RIMBP2: variants seen among roughly 807,000 people sequenced by gnomAD.
The protein encoded by RIMBP2 is RIMS-binding protein 2.
A neutral mutation model predicts 118.6 loss-of-function variants in RIMBP2; 48 were observed. That is an observed-to-expected ratio of 0.40 (90% CI 0.32 to 0.51). The LOEUF (loss-of-function observed/expected upper bound fraction) is 0.51, where lower values mean the gene tolerates loss of function less well. Ranked by LOEUF, RIMBP2 falls within the 20% of genes least tolerant of loss-of-function variation. The pLI, the probability that RIMBP2 is intolerant of heterozygous loss-of-function variation, is 0.41. For synonymous variants in RIMBP2, 762 were observed against 742.9 expected (o/e 1.03, Z -0.42); for missense variants, 1,551 against 1,768.3 (o/e 0.88, Z 2.20).
intron 19 of RIMBP2, among the ~76,000 whole-genome samples, chr12:130,408,407 A>G (rs2075383614): frequency 6.6e-6 from 1 of 152,088 alleles, no homozygotes; most frequent in African/African-American, 2.4e-5. Context: ...GCATCCTTCC[A>G]TTGTGGTTTA....
intron 18 of RIMBP2, among the ~76,000 whole-genome samples, chr12:130,413,765 C>T (rs1016570543): frequency 6.6e-6 from 1 of 152,042 alleles, no homozygotes; most frequent in Non-Finnish European, 1.5e-5. Context: ...CCCTTTTTCC[C>T]TCCCTTTCCC....
intron 2 of RIMBP2, among the ~76,000 whole-genome samples, chr12:130,530,469 GC>G (rs751327533): frequency 1.3e-5 from 2 of 149,642 alleles, no homozygotes; most frequent in Middle Eastern, 3.2e-3. Flanking sequence ...CAATAAGGCA[GC>G]TAAGAATAAC....
chr12:130,583,274 G>A (rs982649846), intron 2 of RIMBP2, among the ~76,000 whole-genome samples: 6 of 152,142 alleles, frequency 3.9e-5, no homozygotes, highest in Non-Finnish European at 7.4e-5. Flanking sequence ...CACCTTCCTT[G>A]TGGGATTGTC....
At chr12:130,701,985 G>A (rs542237527) in intron 1 of RIMBP2, among the ~76,000 whole-genome samples, 3 of 152,152 alleles carry the variant, frequency 2.0e-5, no homozygotes, top group South Asian at 4.2e-4. Context: ...AACATAATGC[G>A]GCACGAAAGA....
chr12:130,422,524 T>C lies in RIMBP2; in HGVS notation c.3167A>G (p.His1056Arg). The change falls in exon 17 of 23, where the codon CAC (histidine) becomes CGC (arginine). Residue 1056 changes from histidine (H) to arginine (R), a missense_variant. This residue lies in a region of RIMBP2 where 1,038 missense variants were observed against 1,125.1 expected (regional missense o/e 0.92). Coordinates refer to ENST00000690449, the MANE Select transcript of RIMBP2 (RefSeq NM_001393629.1). The surrounding 1 kb of genome is among the most constrained non-coding windows in gnomAD (Gnocchi z 5.2). The stretch of plus-strand genomic sequence containing the variant: ...GCCACGGGGAAACCTCCGGCCCATG[T>C]GATCCACCCGTCCTGCAGAGGCTGG... ...GNPASAGRVD[H>R]MGRRFPRGSA... 1 of 1,612,540 alleles carries C rather than the reference T, an allele frequency of 6.2e-7. No individual in the cohort carries two copies.
Position 130,549,272 on chromosome 12 carries a change from T to C in RIMBP2, c.-216-31355A>G, listed in dbSNP as rs564741985. ...GGACTAAGCTGGCATCTGATGCCCA[T>C]CCCGGGGGAATGATACGACGACAGT... is the stretch of plus-strand genomic sequence containing the variant. On this transcript the variant is annotated intron_variant, in intron 2 of 22. Coordinates refer to ENST00000690449, the MANE Select transcript of RIMBP2 (RefSeq NM_001393629.1). Among the ~76,000 whole-genome samples the C allele has an allele frequency of 3.7e-3, 561 of 152,256 alleles. 2 individuals are homozygous for C. The highest frequency in any genetic ancestry group is 0.013 in the African/African-American group (531 of 41,546).
chr12:130,475,881 C>T lies in RIMBP2; in HGVS notation c.102+3031G>A, dbSNP rs566415637. 3.3e-5 allele frequency among the ~76,000 whole-genome samples: 5 copies of T among 152,034 alleles called. No individual in the cohort carries two copies. Among genetic ancestry groups the T allele is most frequent in the African/African-American group, 9.7e-5 (4 of 41,436 alleles). On this transcript the variant is annotated intron_variant, in intron 5 of 22. Transcript: ENST00000690449. This position sits in a 1 kb window ranked among gnomAD's most constrained non-coding sequence, Gnocchi z 4.1. ...GGACAGAGGGGAGTTCTGTGTGGGA[C>T]GTGGCGTCCGAGGCCCCCCAAGCAG...
intron 2 of RIMBP2, among the ~76,000 whole-genome samples, chr12:130,597,521 G>A (rs111943990): frequency 0.01 from 1,540 of 152,306 alleles, 7 homozygotes; most frequent in Non-Finnish European, 0.014. Context: ...GATTACAGGC[G>A]TGAGCCACCA....
At chr12:130,455,391 G>C (rs58284655) in intron 7 of RIMBP2, among the ~76,000 whole-genome samples, 1 of 152,188 alleles carries the variant, frequency 6.6e-6, no homozygotes, top group Non-Finnish European at 1.5e-5. Context: ...CGGGAGCTCC[G>C]CACGGTGCCC....
chr12:130,540,534 C>G (rs2054511422), intron 2 of RIMBP2, among the ~76,000 whole-genome samples: 1 of 152,156 alleles, frequency 6.6e-6, no homozygotes, highest in Admixed American at 6.5e-5. Context: ...TCCCAGATAG[C>G]ATCATGGAAC....
chr12:130,439,283 G>C (rs959229478), intron 11 of RIMBP2, among the ~76,000 whole-genome samples: 2 of 151,922 alleles, frequency 1.3e-5, no homozygotes, highest in Non-Finnish European at 2.9e-5. Context: ...TGTACATTGT[G>C]TGTGTATATG....
chr12:130,606,216 T>C (rs889113077), intron 2 of RIMBP2, among the ~76,000 whole-genome samples: 9 of 152,178 alleles, frequency 5.9e-5, no homozygotes, highest in African/African-American at 2.2e-4. Flanking sequence ...TGAGAGTCTA[T>C]ATGGTGGGAA....
intron 1 of RIMBP2, among the ~76,000 whole-genome samples, chr12:130,631,374 G>A (rs1039743162): frequency 1.2e-4 from 18 of 152,162 alleles, no homozygotes; most frequent in African/African-American, 4.1e-4. Flanking sequence ...GACTGGGGGA[G>A]GGAAACTAAG....
Position 130,424,054 on chromosome 12 carries a change from TG to T in RIMBP2, c.3129+87del. On this transcript the variant is annotated intron_variant, in intron 16 of 22. Transcript: ENST00000690449. The surrounding 1 kb of genome is among the most constrained non-coding windows in gnomAD (Gnocchi z 9.8). ...CAGCCAGCAAGAGAGTCCCCAGGGA[TG>T]GACACCAGAACAAACAGAAAACCAG... The T allele has an allele frequency of 1.5e-6, 1 of 683,632 alleles. No homozygotes were observed. Among genetic ancestry groups the T allele is most frequent in the Non-Finnish European group, 2.1e-6 (1 of 487,040 alleles). The allele number at this position is 683,632 out of a possible 1,614,324, so 42.3% of individuals were successfully genotyped here.
At chr12:130,633,236 G>A (rs1056192489) in intron 1 of RIMBP2, among the ~76,000 whole-genome samples, 3 of 152,150 alleles carry the variant, frequency 2.0e-5, no homozygotes, top group Non-Finnish European at 4.4e-5. Context: ...GTTCAACTTT[G>A]TCTCATCATT....
intron 2 of RIMBP2, among the ~76,000 whole-genome samples, chr12:130,540,956 A>C (rs1326727649): frequency 6.6e-6 from 1 of 152,142 alleles, no homozygotes; most frequent in Non-Finnish European, 1.5e-5. Flanking sequence ...TGAGAAGTGC[A>C]GTGGTGTTGA....
rs116333948 is a variant in RIMBP2, at chr12:130,628,731, G to A, written c.-351-275C>T. Among the ~76,000 whole-genome samples the A allele has an allele frequency of 5.4e-3, 820 of 152,252 alleles. 6 individuals are homozygous for A. The highest frequency in any genetic ancestry group is 0.019 in the African/African-American group (775 of 41,532). ...ACAGCCATTGACATGAAGCTTTTGT[G>A]ACTCCTTGAGTAGACCATCAAGTTC... On this transcript the variant is annotated intron_variant, in intron 1 of 22. Coordinates refer to ENST00000690449, the MANE Select transcript of RIMBP2 (RefSeq NM_001393629.1).
At chr12:130,549,959 C>G (rs2055575829) in intron 2 of RIMBP2, among the ~76,000 whole-genome samples, 1 of 152,174 alleles carries the variant, frequency 6.6e-6, no homozygotes, top group Admixed American at 6.5e-5. Flanking sequence ...TTAAACTAAT[C>G]TACACTCCCA....
chr12:130,456,607 C>T lies in RIMBP2; in HGVS notation c.247G>A (p.Gly83Ser). The change falls in exon 7 of 23, where the codon GGC (glycine) becomes AGC (serine). Residue 83 changes from glycine to serine, a missense_variant. This residue lies in a region of RIMBP2 where 239 missense variants were observed against 256.8 expected (regional missense o/e 0.93). Transcript: ENST00000690449. Reference sequence around the variant, plus strand: ...CTGCCACCCAGCAGGTCAATCTTGCCAGCGTGCTGCCGGAACTTCTCCAGG... The same window carrying T: ...CTGCCACCCAGCAGGTCAATCTTGCTAGCGTGCTGCCGGAACTTCTCCAGG... ...RDLEKFRQHA[G>S]KIDLLGGSAV... 6.2e-7 allele frequency: 1 copy of T among 1,613,734 alleles called. No individual in the cohort carries two copies. Among genetic ancestry groups the T allele is most frequent in the Non-Finnish European group, 8.5e-7 (1 of 1,179,874 alleles).
Sources: gnomAD v4.1 joint callset for allele counts (sites outside exome capture counted in the v4.1 genomes callset) on GRCh38, gnomAD v4.1.1 for gene constraint, gnomAD v4.1.1 regional missense constraint, Gnocchi (gnomAD v3.1) non-coding constraint, MANE v1.5 for transcripts, NCBI Gene and HGNC (gene_info 2026-07-23, HGNC 2026-07-21) for gene names.